Variants in CBX3 observed in about 807,000 individuals in gnomAD.
CBX3 encodes chromobox 3, also known as chromobox protein homolog 3.
A neutral mutation model predicts 22.6 loss-of-function variants in CBX3; 5 were observed. That is an observed-to-expected ratio of 0.22 (90% CI 0.12 to 0.47). The LOEUF is 0.47. CBX3 is among the 20% of genes least tolerant of loss of function. The pLI, the probability that CBX3 is intolerant of heterozygous loss-of-function variation, is 0.99. For synonymous variants in CBX3, 50 were observed against 66.6 expected (o/e 0.75, Z 1.21); for missense variants, 83 against 208.1 (o/e 0.40, Z 3.70).
chr7:26,211,988 C>T lies in CBX3; in HGVS notation c.426-94C>T, dbSNP rs1042209070. On this transcript the variant is annotated intron_variant, in intron 5 of 5. Coordinates refer to ENST00000396386, the MANE Select transcript of CBX3 (RefSeq NM_016587.4). ...ATAACTCTCCTGGAGCACTTCAATA[C>T]CTTTTGTTTGGACTATTATTTCTTA... 3.4e-6 allele frequency: 4 copies of T among 1,169,118 alleles called. No homozygotes were observed. The African/African-American group carries it at 6.3e-5, about 19-fold the overall frequency. The allele number at this position is 1,169,118 out of a possible 1,614,324, so 72.4% of individuals were successfully genotyped here. A position where few individuals can be genotyped will look rare whatever the true frequency, so the allele number is the denominator to read the frequency against.
intron 4 of CBX3, among the ~76,000 whole-genome samples, chr7:26,211,370 GGTTA>G (rs1202280881): frequency 9.2e-5 from 14 of 152,120 alleles, no homozygotes; most frequent in African/African-American, 3.4e-4. Flanking sequence ...GAAATAAAGA[GGTTA>G]GTTTTTCTGT....
intron 2 of CBX3, among the ~76,000 whole-genome samples, chr7:26,204,141 A>AATATATACT (rs1455338270): frequency 1.4e-4 from 21 of 152,294 alleles, no homozygotes; most frequent in African/African-American, 5.1e-4. Flanking sequence ...GGTTAAGGCA[A>AATATATACT]ATATATACTA....
rs868430377 is a variant in CBX3, at chr7:26,209,545, G to A, written c.330+990G>A. Among the ~76,000 whole-genome samples, 7 of 152,098 alleles carry A rather than the reference G, an allele frequency of 4.6e-5. No homozygotes were observed. In the South Asian group the frequency reaches 8.3e-4, roughly 18 times the overall value. Reference sequence around the variant, plus strand: ...TAGTCCATCAATGGCATTGACCACCGAAAAGTACTTGCATGTCATCTTTGT... The same window carrying A: ...TAGTCCATCAATGGCATTGACCACCAAAAAGTACTTGCATGTCATCTTTGT... On this transcript the variant is annotated intron_variant, in intron 4 of 5. Transcript: ENST00000396386.
chr7:26,210,972 C>T (rs1401128106), intron 4 of CBX3, among the ~76,000 whole-genome samples: 1 of 151,480 alleles, frequency 6.6e-6, no homozygotes, highest in African/African-American at 2.4e-5. Flanking sequence ...ATATTAAGTA[C>T]TTTCTAGCGC....
intron 4 of CBX3, among the ~76,000 whole-genome samples, chr7:26,208,763 G>A (rs186759051): frequency 5.2e-4 from 79 of 151,898 alleles, no homozygotes; most frequent in African/African-American, 1.7e-3. Flanking sequence ...GGGATTATAG[G>A]TGCCCACCAC....
At chr7:26,204,824 T>C (rs1214210096) in intron 2 of CBX3, among the ~76,000 whole-genome samples, 2 of 152,190 alleles carry the variant, frequency 1.3e-5, no homozygotes, top group Non-Finnish European at 2.9e-5. Flanking sequence ...AGTTTTTCTC[T>C]TGTTGTCCAG....
At chr7:26,209,498 C>G (rs544410579) in intron 4 of CBX3, among the ~76,000 whole-genome samples, 1 of 152,128 alleles carries the variant, frequency 6.6e-6, no homozygotes, top group African/African-American at 2.4e-5. Context: ...GTAAGAACAA[C>G]GCAAATAGAA....
intron 2 of CBX3, 82 bp from the exon 3 acceptor site, chr7:26,206,286 A>G (rs886967902): frequency 1.6e-4 from 138 of 864,068 alleles, no homozygotes; most frequent in Middle Eastern, 3.5e-4. Context: ...CGAATGTGAT[A>G]ATAATATAAG....
chr7:26,206,917 A>C (rs534365488), intron 3 of CBX3, among the ~76,000 whole-genome samples: 1 of 152,274 alleles, frequency 6.6e-6, no homozygotes, highest in Non-Finnish European at 1.5e-5. Flanking sequence ...GCTTTATACT[A>C]GGTTTATTAT....
intron 3 of CBX3, among the ~76,000 whole-genome samples, chr7:26,207,454 C>G (rs36032567): frequency 0.11 from 16,503 of 152,180 alleles, 1,466 homozygotes; most frequent in African/African-American, 0.24. Flanking sequence ...TCTCCCAAAA[C>G]TTAAGGCCAC....
At position 26,211,975 on chromosome 7, in the gene CBX3, G is replaced by T. The variant is rs1276600673; in HGVS notation, c.426-107G>T. The T allele has an allele frequency of 4.9e-6, 5 of 1,028,852 alleles. No individual in the cohort carries two copies. The South Asian group carries it at 8.2e-5, about 17-fold the overall frequency. The allele number at this position is 1,028,852 out of a possible 1,614,324, so 63.7% of individuals were successfully genotyped here. Reference sequence around the variant, plus strand: ...AGCAACAAGTAACATAACTCTCCTGGAGCACTTCAATACCTTTTGTTTGGA... The same window carrying T: ...AGCAACAAGTAACATAACTCTCCTGTAGCACTTCAATACCTTTTGTTTGGA... On this transcript the variant is annotated intron_variant, in intron 5 of 5. Transcript: ENST00000396386.
rs1554340734 is a variant in CBX3, at chr7:26,212,582, T to TGTGTGTGTGTGTGTG, written c.*374_*375insGTGTGTGTGTGTGTG. 1.8e-5 allele frequency: 2 copies of TGTGTGTGTGTGTGTG among 109,072 alleles called. No homozygotes were observed. The highest frequency in any genetic ancestry group is 1.1e-4 in the Admixed American group (1 of 9,324). The allele number at this position is 109,072 out of a possible 1,614,324, so 6.8% of individuals were successfully genotyped here. ...CCATTCTAGATTTATTACGTGTTTT[T>TGTGTGTGTGTGTGTG]TGTGTGTGTGTGTGTGTGTGTGTGT... On this transcript the variant is annotated 3_prime_UTR_variant, in exon 6 of 6. Coordinates refer to ENST00000396386, the MANE Select transcript of CBX3 (RefSeq NM_016587.4).
At chr7:26,203,155 G>A (rs1211645861) in intron 2 of CBX3, 133 bp downstream of exon 2, 8 of 689,700 alleles carry the variant, frequency 1.2e-5, no homozygotes, top group African/African-American at 5.4e-5. Flanking sequence ...AAATTACAGG[G>A]GAAAATTAAG....
intron 2 of CBX3, among the ~76,000 whole-genome samples, 167 bp downstream of exon 2, chr7:26,203,189 A>C (rs977822117): frequency 1.7e-4 from 26 of 152,362 alleles, no homozygotes; most frequent in African/African-American, 6.0e-4. Context: ...CATTACAGGG[A>C]GATACTGGCT....
intron 3 of CBX3, 25 bp downstream of exon 3, chr7:26,206,535 C>CTTAG: frequency 5.0e-6 from 8 of 1,608,048 alleles, no homozygotes; most frequent in Non-Finnish European, 6.8e-6. Context: ...TGCATCTTTA[C>CTTAG]TATATGTTTA....
In CBX3 at chr7:26,203,111, T is replaced by A. The variant is rs886560857; in HGVS notation, c.24+89T>A. ...ACTTTGCATCTCTGTGGCTGAGAAA[T>A]TTACATCCACATATTTCCCAGCTCT... On this transcript the variant is annotated intron_variant, in intron 2 of 5. Transcript: ENST00000396386. The A allele has an allele frequency of 5.2e-6, 4 of 771,318 alleles. No individual in the cohort carries two copies. The South Asian group carries it at 6.2e-5, about 12-fold the overall frequency. The allele number at this position is 771,318 out of a possible 1,614,324, so 47.8% of individuals were successfully genotyped here.
chr7:26,210,969 G>C (rs1410502729), intron 4 of CBX3, among the ~76,000 whole-genome samples: 1 of 151,580 alleles, frequency 6.6e-6, no homozygotes, highest in Non-Finnish European at 1.5e-5. Context: ...TTTATATTAA[G>C]TACTTTCTAG....
intron 1 of CBX3, 32 bp downstream of exon 1, chr7:26,201,858 TC>T (rs1033356347): frequency 8.9e-6 from 1 of 111,798 alleles, no homozygotes; most frequent in African/African-American, 3.2e-5. Context: ...TAGCTCTCGC[TC>T]GCTGGTGGTG....
chr7:26,212,671 A>C lies in CBX3; in HGVS notation c.*463A>C, dbSNP rs1284507590. 2.6e-5 allele frequency: 4 copies of C among 152,284 alleles called. No individual in the cohort carries two copies. Among genetic ancestry groups the C allele is most frequent in the Non-Finnish European group, 4.4e-5 (3 of 68,058 alleles). 9.4% of individuals were successfully genotyped at this position (152,284 alleles called of 1,614,324 possible). On this transcript the variant is annotated 3_prime_UTR_variant, in exon 6 of 6. Transcript: ENST00000396386. Reference sequence around the variant, plus strand: ...TTTTTAAGCATTCACCCAAACAAAAAAATCACAGGTAAACCCATGTTTCTG... The same window carrying C: ...TTTTTAAGCATTCACCCAAACAAAACAATCACAGGTAAACCCATGTTTCTG...
Sources: allele counts gnomAD v4.1 joint callset (sites outside exome capture counted in the v4.1 genomes callset), GRCh38; gene constraint gnomAD v4.1.1; transcripts MANE v1.5; gene names NCBI Gene and HGNC (gene_info 2026-07-23, HGNC 2026-07-21).